Variants in PDE1C observed in about 807,000 individuals in gnomAD.
PDE1C encodes the protein phosphodiesterase 1C.
Under a neutral mutation model 93.1 loss-of-function variants are expected in PDE1C, and 62 were observed. The observed-to-expected ratio is 0.67, with a 90% CI of 0.54 to 0.82. The LOEUF (loss-of-function observed/expected upper bound fraction) is 0.82, where lower values mean the gene tolerates loss of function less well. Ranked by LOEUF, PDE1C falls within the 40% of genes least tolerant of loss-of-function variation. The pLI is 0.00. For synonymous variants in PDE1C, 325 were observed against 310.1 expected (o/e 1.05, Z -0.50); for missense variants, 742 against 884.6 (o/e 0.84, Z 2.04).
intron 17 of PDE1C, 26 bp from the exon 18 acceptor site, chr7:31,753,579 A>G: frequency 1.2e-6 from 2 of 1,602,678 alleles, no homozygotes; most frequent in Non-Finnish European, 1.7e-6. Context: ...AGGAAGACAG[A>G]CAACGGTTAG....
At chr7:31,735,548 C>T in the PDE1C span, among the ~76,000 whole-genome samples, 2 of 152,204 alleles carry the variant, frequency 1.3e-5, no homozygotes, top group Non-Finnish European at 2.9e-5. Context: ...GCCCTGGACA[C>T]TTAGTAGCTG....
At chr7:32,364,262 A>T (rs1396543892) in intron 1 of PDE1C, among the ~76,000 whole-genome samples, 1 of 152,212 alleles carries the variant, frequency 6.6e-6, no homozygotes, top group Admixed American at 6.5e-5. Flanking sequence ...TTAAGTACAG[A>T]TCTGGTTAGC....
intron 2 of PDE1C, among the ~76,000 whole-genome samples, chr7:31,927,415 G>A (rs2128971783): frequency 6.6e-6 from 1 of 152,310 alleles, no homozygotes; most frequent in South Asian, 2.1e-4. Flanking sequence ...GAAGAGAGCA[G>A]TGGATTTACC....
At chr7:31,643,143 C>A in the PDE1C span, 1 of 1,613,932 alleles carries the variant, frequency 6.2e-7, no homozygotes. Flanking sequence ...AAGTGCAAAG[C>A]CACCACAATG....
the PDE1C span, chr7:31,707,251 G>A: frequency 4.3e-6 from 7 of 1,613,922 alleles, no homozygotes; most frequent in African/African-American, 1.3e-5. Flanking sequence ...CGTGGAAGAT[G>A]ACGAAAAGGA....
intron 3 of PDE1C, among the ~76,000 whole-genome samples, chr7:32,138,711 G>A (rs1408143418): frequency 6.6e-6 from 1 of 152,144 alleles, no homozygotes; most frequent in Non-Finnish European, 1.5e-5. Flanking sequence ...AGTTTTGTTT[G>A]TAGTTGAGGA....
At position 31,753,126 on chromosome 7, in the gene PDE1C, T is replaced by C. The variant is rs1056901992; in HGVS notation, c.*258A>G. 3.7e-6 allele frequency: 1 copy of C among 270,756 alleles called. No individual in the cohort carries two copies. The highest frequency in any genetic ancestry group is 2.2e-5 in the African/African-American group (1 of 45,580). The allele number at this position is 270,756 out of a possible 1,614,324, so 16.8% of individuals were successfully genotyped here. On this transcript the variant is annotated 3_prime_UTR_variant, in exon 18 of 18. Transcript: ENST00000396191. ...GGTCCAATTTAGACTTTTAGAGACT[T>C]ATACCATAAAAACACCCCTCTTGCT...
In PDE1C at chr7:32,069,312, A is replaced by G. The variant is rs1454401795; in HGVS notation, c.101+981T>C. Among the ~76,000 whole-genome samples the G allele has an allele frequency of 2.0e-5, 3 of 152,346 alleles. No individual in the cohort carries two copies. In the South Asian group the frequency reaches 6.2e-4, roughly 32 times the overall value. The stretch of plus-strand genomic sequence containing the variant: ...ACAATAACAGCAGCAAAACAAACAA[A>G]CTGGCAGGAAGCTGGTTTTCCCATC... On this transcript the variant is annotated intron_variant, in intron 1 of 17. Transcript: ENST00000396191.
At chr7:31,754,942 A>G (rs1415170830) in intron 17 of PDE1C, among the ~76,000 whole-genome samples, 1 of 152,234 alleles carries the variant, frequency 6.6e-6, no homozygotes, top group East Asian at 1.9e-4. Flanking sequence ...TGCAAATTGT[A>G]ACAAGACAAT....
chr7:32,102,668 G>A (rs557628762), intron 3 of PDE1C, among the ~76,000 whole-genome samples: 1 of 152,304 alleles, frequency 6.6e-6, no homozygotes, highest in East Asian at 1.9e-4. Flanking sequence ...CTACAGCATG[G>A]CACACTGCCA....
intron 2 of PDE1C, among the ~76,000 whole-genome samples, chr7:31,976,256 A>G (rs1320857347): frequency 1.3e-5 from 2 of 152,240 alleles, no homozygotes; most frequent in African/African-American, 4.8e-5. Context: ...GAAGAAATGT[A>G]TTCATTCAAC....
intron 1 of PDE1C, among the ~76,000 whole-genome samples, chr7:32,321,144 A>T (rs1783283235): frequency 6.6e-6 from 1 of 152,228 alleles, no homozygotes; most frequent in Non-Finnish European, 1.5e-5. Flanking sequence ...TCTCAAAGAG[A>T]ATTACACCAA....
In PDE1C at chr7:32,089,116, C is replaced by A. The variant is rs188721069; in HGVS notation, c.308+80669G>T. Among the ~76,000 whole-genome samples, 17 of 152,278 alleles carry A rather than the reference C, an allele frequency of 1.1e-4. No individual in the cohort carries two copies. In the East Asian group the frequency reaches 2.5e-3, roughly 22 times the overall value. On this transcript the variant is annotated intron_variant, in intron 3 of 18. Coordinates refer to the PDE1C transcript ENST00000396193. ...GGCAGGTTTAACCCTGGATGGTATC[C>A]AGAGGGCATATCGCAAAGTCTCTTC...
At chr7:31,956,101 T>C (rs1355596275) in intron 2 of PDE1C, among the ~76,000 whole-genome samples, 1 of 150,862 alleles carries the variant, frequency 6.6e-6, no homozygotes, top group East Asian at 1.9e-4. Context: ...GGGTCTACTT[T>C]TTCTCCCCGC....
At chr7:32,322,961 C>A (rs551706684) in intron 1 of PDE1C, among the ~76,000 whole-genome samples, 1 of 152,038 alleles carries the variant, frequency 6.6e-6, no homozygotes, top group Non-Finnish European at 1.5e-5. Context: ...GAAGGTGACA[C>A]AAAGGGTTGC....
At chr7:31,618,358 TC>T in the PDE1C span, among the ~76,000 whole-genome samples, 67,146 of 151,986 alleles carry the variant, frequency 0.44, 15,084 homozygotes, top group East Asian at 0.54. Flanking sequence ...GGGAGGTTCC[TC>T]CCCTGTCCTT....
At chr7:31,712,288 G>GAATGAATT in the PDE1C span, among the ~76,000 whole-genome samples, 34 of 152,156 alleles carry the variant, frequency 2.2e-4, no homozygotes, top group East Asian at 3.9e-3. Flanking sequence ...GTGAGTGAGT[G>GAATGAATT]AATGAATGAA....
chr7:32,285,829 AG>A (rs1231122670), intron 1 of PDE1C, among the ~76,000 whole-genome samples: 1 of 135,092 alleles, frequency 7.4e-6, no homozygotes, highest in Non-Finnish European at 1.6e-5. Context: ...GAATAAGGGG[AG>A]GGGAAGGGAG....
chr7:32,375,367 C>T (rs1482925759), intron 1 of PDE1C, among the ~76,000 whole-genome samples: 1 of 152,132 alleles, frequency 6.6e-6, no homozygotes, highest in African/African-American at 2.4e-5. Context: ...GCCGGGAGTG[C>T]AAACAGAAGA....
Sources: gnomAD v4.1 joint callset for allele counts (sites outside exome capture counted in the v4.1 genomes callset) on GRCh38, gnomAD v4.1.1 for gene constraint, MANE v1.5 for transcripts, NCBI Gene and HGNC (gene_info 2026-07-23, HGNC 2026-07-21) for gene names.